Variants in CDH22 observed in about 807,000 individuals in gnomAD.
CDH22 encodes the protein cadherin 22.
Under a neutral mutation model 58.4 loss-of-function variants are expected in CDH22, and 30 were observed. The ratio of observed to expected loss-of-function variants is 0.51; its 90% CI spans 0.38 to 0.70. The LOEUF (loss-of-function observed/expected upper bound fraction) is 0.70. Among genes scored for constraint, CDH22 ranks in the 30% least tolerant of loss-of-function variants. CDH22 has a pLI of 0.00. For missense variants in CDH22, 1,014 were observed against 1,233.9 expected (o/e 0.82, Z 2.67); for synonymous variants, 513 against 558.2 (o/e 0.92, Z 1.14).
chr20:46,191,209 T>C (rs2085859946), intron 8 of CDH22, among the ~76,000 whole-genome samples: 1 of 152,156 alleles, frequency 6.6e-6, no homozygotes, highest in Admixed American at 6.5e-5. Context: ...AACATGATAT[T>C]TCTGCTGAGT....
chr20:46,186,862 G>T lies in CDH22; in HGVS notation c.1509C>A (p.Tyr503Ter), dbSNP rs750004180. The T allele has an allele frequency of 6.2e-7, 1 of 1,611,610 alleles. No individual in the cohort carries two copies. Among genetic ancestry groups the T allele is most frequent in the Admixed American group, 1.7e-5 (1 of 59,724 alleles). The stretch of plus-strand genomic sequence containing the variant: ...TGGCATCCTCGCATACAGCTGCCTC[G>T]TAGGGTGTGGCCAGTTCTGGGGGAT... ...NDNPPELATP[Y>*]EAAVCEDAKP... Residue 503 changes from tyrosine (Y) to a stop codon, truncating the protein, a stop_gained, in exon 9 of 12, where the codon TAC (tyrosine) becomes TAA (stop). Transcript: ENST00000537909. LOFTEE classifies it high-confidence loss of function.
At chr20:46,180,201 G>A (rs1290434074) in intron 10 of CDH22, among the ~76,000 whole-genome samples, 2 of 152,210 alleles carry the variant, frequency 1.3e-5, no homozygotes, top group Non-Finnish European at 2.9e-5. Context: ...CAGCTTTTGG[G>A]AGAACTGGTG....
At chr20:46,207,430 C>G (rs1401546937) in intron 7 of CDH22, among the ~76,000 whole-genome samples, 9 of 152,196 alleles carry the variant, frequency 5.9e-5, no homozygotes. Context: ...TCCTCCTCCC[C>G]TCCCTGGGCC....
At chr20:46,207,659 C>T (rs1460874338) in intron 7 of CDH22, among the ~76,000 whole-genome samples, 1 of 152,214 alleles carries the variant, frequency 6.6e-6, no homozygotes, top group Non-Finnish European at 1.5e-5. Context: ...CAGCCTGCCT[C>T]TGAGGCCCTG....
chr20:46,216,815 G>C lies in CDH22; in HGVS notation c.838+11C>G. The stretch of plus-strand genomic sequence containing the variant: ...CACAGACGCGCCTTCCTCTGGGAAG[G>C]CCTCACTCACTCTGCGGGAAACGGG... On this transcript the variant is annotated intron_variant, in intron 5 of 11. Transcript: ENST00000537909. This position sits in a 1 kb window ranked among gnomAD's most constrained non-coding sequence, Gnocchi z 5.3. 6.3e-7 allele frequency: 1 copy of C among 1,588,114 alleles called. No homozygotes were observed. The highest frequency in any genetic ancestry group is 8.6e-7 in the Non-Finnish European group (1 of 1,158,886).
chr20:46,298,050 T>G (rs1049336643), intron 1 of CDH22, among the ~76,000 whole-genome samples: 2 of 152,302 alleles, frequency 1.3e-5, no homozygotes, highest in African/African-American at 4.8e-5. Flanking sequence ...AAGTCACCTC[T>G]ATAGATGATA....
chr20:46,278,433 A>T (rs2086532093), intron 1 of CDH22, among the ~76,000 whole-genome samples: 1 of 152,154 alleles, frequency 6.6e-6, no homozygotes, highest in Non-Finnish European at 1.5e-5. Context: ...TGCCCCTTCC[A>T]GTCCTGCCTC....
chr20:46,225,839 A>G (rs938921608), intron 4 of CDH22, among the ~76,000 whole-genome samples: 1 of 152,082 alleles, frequency 6.6e-6, no homozygotes, highest in African/African-American at 2.4e-5. Flanking sequence ...GTTTTATAAA[A>G]TGTATTACTT....
chr20:46,188,652 T>C (rs993464286), intron 8 of CDH22, among the ~76,000 whole-genome samples: 9 of 152,182 alleles, frequency 5.9e-5, no homozygotes, highest in Non-Finnish European at 1.3e-4. Context: ...AAGGGTCCTA[T>C]TAGCAATAAC....
intron 1 of CDH22, among the ~76,000 whole-genome samples, chr20:46,260,739 C>T (rs1246159090): frequency 6.6e-6 from 1 of 152,254 alleles, no homozygotes; most frequent in Non-Finnish European, 1.5e-5. Flanking sequence ...GCTCTGGCAA[C>T]ATCACTGCCA....
intron 3 of CDH22, among the ~76,000 whole-genome samples, chr20:46,236,269 C>T (rs889207189): frequency 6.6e-6 from 1 of 151,760 alleles, no homozygotes; most frequent in Admixed American, 6.6e-5. Flanking sequence ...AACAAGCCCT[C>T]CAGGTAATGT....
chr20:46,186,787 C>G (rs201123958), intron 9 of CDH22, 39 bp downstream of exon 9: 8 of 1,597,002 alleles, frequency 5.0e-6, no homozygotes, highest in South Asian at 1.1e-5. Context: ...GCTGGCCAGT[C>G]CTGGAAGCAA....
intron 1 of CDH22, among the ~76,000 whole-genome samples, chr20:46,267,782 C>T (rs1337426967): frequency 2.0e-5 from 3 of 152,274 alleles, no homozygotes; most frequent in East Asian, 3.8e-4. Flanking sequence ...CTTATAAACG[C>T]TGCTTTAAAA....
intron 2 of CDH22, among the ~76,000 whole-genome samples, chr20:46,249,130 GTGTTGGGGCAGTAAAGTAACT>G (rs1205830358): frequency 6.6e-6 from 1 of 152,208 alleles, no homozygotes; most frequent in Admixed American, 6.5e-5. Context: ...AAGAGACTGA[GTGTTGGGGCAGTAAAGTAACT>G]TGTTCAAGGT....
Position 46,174,695 on chromosome 20 carries a change from G to C in CDH22, c.2298C>G (p.Pro766=). 1 of 1,558,586 alleles carries C rather than the reference G, an allele frequency of 6.4e-7. No individual in the cohort carries two copies. The highest frequency in any genetic ancestry group is 8.6e-7 in the Non-Finnish European group (1 of 1,159,862). ...AGGCGTAGGTCTGGAAGGCGTCGTA[G>C]GGCGGCACCGACAGGTCCCCGTCCG... ...ALADGDLSVP[P]YDAFQTYAFE... is the part of the protein sequence containing the mutation. Residue 766 remains proline (P), a synonymous_variant, in exon 12 of 12, where the codon CCC becomes CCG. Transcript: ENST00000537909. The surrounding 1 kb of genome is among the most constrained non-coding windows in gnomAD (Gnocchi z 4.4).
chr20:46,237,516 T>G (rs2086261848), intron 3 of CDH22, among the ~76,000 whole-genome samples: 1 of 152,026 alleles, frequency 6.6e-6, no homozygotes, highest in African/African-American at 2.4e-5. Flanking sequence ...CTGCCTGGAG[T>G]CTCTGCAAGC....
chr20:46,224,919 G>C (rs1280925379), intron 4 of CDH22, among the ~76,000 whole-genome samples: 1 of 152,218 alleles, frequency 6.6e-6, no homozygotes, highest in African/African-American at 2.4e-5. Context: ...CAGGCTTTTG[G>C]TTTTTGCCAT....
At position 46,226,231 on chromosome 20, in the gene CDH22, CCTTCTTCTTCTT is replaced by C. The variant is rs74176857; in HGVS notation, c.670+1265_670+1276del. On this transcript the variant is annotated intron_variant, in intron 4 of 11. Coordinates refer to ENST00000537909, the MANE Select transcript of CDH22 (RefSeq NM_021248.3). Reference sequence around the variant, plus strand: ...TCTCTGAAATCTTGGTCTGGCAACACCTTCTTCTTCTTCTTCTTCTTCTTCTTCTTCTTCTTC... The same window carrying C: ...TCTCTGAAATCTTGGTCTGGCAACACCTTCTTCTTCTTCTTCTTCTTCTTC... Among the ~76,000 whole-genome samples the C allele has an allele frequency of 1.1e-3, 91 of 86,596 alleles. 1 individual carries two copies. The highest frequency in any genetic ancestry group is 5.0e-3 in the Middle Eastern group (1 of 202). The allele number at this position is 86,596 out of a possible 152,430, so 56.8% of individuals were successfully genotyped here.
At chr20:46,193,317 C>T (rs989957627) in intron 8 of CDH22, among the ~76,000 whole-genome samples, 1 of 152,122 alleles carries the variant, frequency 6.6e-6, no homozygotes, top group Non-Finnish European at 1.5e-5. Context: ...CTCACTGTCT[C>T]TTGAAGCAGC....
Sources: gnomAD v4.1 joint callset for allele counts (sites outside exome capture counted in the v4.1 genomes callset) on GRCh38, gnomAD v4.1.1 for gene constraint, Gnocchi (gnomAD v3.1) non-coding constraint, MANE v1.5 for transcripts, NCBI Gene and HGNC (gene_info 2026-07-23, HGNC 2026-07-21) for gene names.